The following CHSY3 variants were observed in gnomAD, a reference collection of about 807,000 sequenced individuals.
CHSY3 encodes the protein N-acetylgalactosaminyl-proteoglycan 3-beta-glucuronosyltransferase 3.
A neutral mutation model predicts 67.2 loss-of-function variants in CHSY3; 35 were observed. The observed-to-expected ratio is 0.52, with a 90% CI of 0.40 to 0.69. The LOEUF (loss-of-function observed/expected upper bound fraction) is 0.69, where lower values mean the gene tolerates loss of function less well. Ranked by LOEUF, CHSY3 falls within the 30% of genes least tolerant of loss-of-function variation. The probability of loss-of-function intolerance (pLI) is 0.00; values close to 1 mark genes in which losing one functional copy is unlikely to be tolerated. For synonymous variants in CHSY3, 474 were observed against 434.7 expected, an observed-to-expected ratio of 1.09 and a Z score of -1.12; for missense variants, 1,069 against 1,138.5, an observed-to-expected ratio of 0.94 and a Z score of 0.88.
chr5:130,131,039 T>C (rs970841745), intron 2 of CHSY3, among the ~76,000 whole-genome samples: 6 of 152,148 alleles, frequency 3.9e-5, no homozygotes, highest in African/African-American at 1.2e-4. Flanking sequence ...AGGAATATCA[T>C]TTACTCTCAC....
intron 2 of CHSY3, among the ~76,000 whole-genome samples, chr5:130,116,336 C>A (rs1486474551): frequency 6.6e-6 from 1 of 152,174 alleles, no homozygotes; most frequent in African/African-American, 2.4e-5. Context: ...TAAATAGCAT[C>A]TTCTGCATCA....
chr5:130,104,056 C>A (rs756487452), intron 2 of CHSY3, among the ~76,000 whole-genome samples: 17 of 151,854 alleles, frequency 1.1e-4, no homozygotes, highest in Non-Finnish European at 2.1e-4. Flanking sequence ...GTTGTTAGCC[C>A]AACCCATTTT....
Position 129,951,717 on chromosome 5 carries a change from A to C in CHSY3, c.1086+43357A>C, listed in dbSNP as rs913030152. ...GAAGAGATTCTGAGAATTCATGTAC[A>C]TAGAAGCGGTCTAAACCATTGGCCA... On this transcript the variant is annotated intron_variant, in intron 2 of 2. Coordinates refer to ENST00000305031, the MANE Select transcript of CHSY3 (RefSeq NM_175856.5). Among the ~76,000 whole-genome samples the C allele has an allele frequency of 2.4e-4, 36 of 152,314 alleles. 1 individual carries two copies. Among genetic ancestry groups the C allele is most frequent in the African/African-American group, 8.4e-4 (35 of 41,576 alleles).
chr5:130,156,752 G>A (rs1250435166), intron 2 of CHSY3, among the ~76,000 whole-genome samples: 2 of 152,218 alleles, frequency 1.3e-5, no homozygotes, highest in East Asian at 1.9e-4. Flanking sequence ...CTATGGGCAA[G>A]CAAGCTACAT....
chr5:130,015,719 A>G (rs947308810), intron 2 of CHSY3, among the ~76,000 whole-genome samples: 5 of 152,224 alleles, frequency 3.3e-5, no homozygotes, highest in Non-Finnish European at 5.9e-5. Flanking sequence ...CAACCCATCA[A>G]TCCCATTACT....
At chr5:130,169,957 T>TA (rs2149732226) in intron 2 of CHSY3, among the ~76,000 whole-genome samples, 1 of 151,856 alleles carries the variant, frequency 6.6e-6, no homozygotes, top group Admixed American at 6.6e-5. Context: ...GCAACTACCA[T>TA]CTTTCTTTTA....
intron 2 of CHSY3, among the ~76,000 whole-genome samples, chr5:130,010,001 C>A (rs555041881): frequency 6.6e-6 from 1 of 152,214 alleles, no homozygotes; most frequent in East Asian, 1.9e-4. Context: ...TAATTAGAGA[C>A]CAATTAAGAG....
chr5:129,940,702 TGTATATATA>T (rs1032146723), intron 2 of CHSY3, among the ~76,000 whole-genome samples: 5 of 152,082 alleles, frequency 3.3e-5, no homozygotes, highest in African/African-American at 1.2e-4. Flanking sequence ...TGCCGATGTA[TGTATATATA>T]GTATATACAG....
rs745860120 is a variant in CHSY3, at chr5:129,940,678, A to AGT, written c.1086+32329_1086+32330dup. The stretch of plus-strand genomic sequence containing the variant: ...CTATCTTTATGCATGTGTGTGTGTG[A>AGT]GTGTGTGTGTGTATGCCGATGTATG... On this transcript the variant is annotated intron_variant, in intron 2 of 2. Transcript: ENST00000305031. Among the ~76,000 whole-genome samples, 36 of 151,610 alleles carry AGT rather than the reference A, an allele frequency of 2.4e-4. No individual in the cohort carries two copies. The South Asian group carries it at 5.2e-3, about 22-fold the overall frequency.
At chr5:129,991,335 A>G (rs530157350) in intron 2 of CHSY3, among the ~76,000 whole-genome samples, 6 of 152,292 alleles carry the variant, frequency 3.9e-5, no homozygotes, top group Admixed American at 1.3e-4. Flanking sequence ...TAAAATTAAA[A>G]GCTTTGAAGA....
chr5:129,917,924 C>A (rs1760784706), intron 2 of CHSY3, among the ~76,000 whole-genome samples: 1 of 151,058 alleles, frequency 6.6e-6, no homozygotes, highest in Admixed American at 6.6e-5. Context: ...AGGGTTTCGA[C>A]CACTGTGTAA....
In CHSY3 at chr5:129,922,633, C is replaced by G. The variant is rs116802606; in HGVS notation, c.1086+14273C>G. ...ATGTATCTGTTAGCCATTTATATGT[C>G]TTTTCAAAAATGTCAATTCAGGTCT... On this transcript the variant is annotated intron_variant, in intron 2 of 2. Transcript: ENST00000305031. 1.5e-3 allele frequency among the ~76,000 whole-genome samples: 222 copies of G among 151,438 alleles called. 1 individual carries two copies. Among genetic ancestry groups the G allele is most frequent in the African/African-American group, 4.9e-3 (202 of 41,240 alleles).
chr5:130,003,983 A>G (rs1211524958), intron 2 of CHSY3, among the ~76,000 whole-genome samples: 1 of 152,134 alleles, frequency 6.6e-6, no homozygotes, highest in South Asian at 2.1e-4. Flanking sequence ...CAGGATATGC[A>G]TTTTTTGGTT....
At chr5:129,945,792 C>G (rs1321881577) in intron 2 of CHSY3, among the ~76,000 whole-genome samples, 1 of 152,098 alleles carries the variant, frequency 6.6e-6, no homozygotes, top group Non-Finnish European at 1.5e-5. Flanking sequence ...ATTTTTGATT[C>G]TGTTTCTTTT....
intron 2 of CHSY3, among the ~76,000 whole-genome samples, chr5:129,988,054 G>A (rs1451767623): frequency 2.0e-5 from 3 of 152,098 alleles, no homozygotes; most frequent in African/African-American, 4.8e-5. Context: ...CAAGAAATGT[G>A]ATAAAATGAA....
Position 129,914,269 on chromosome 5 carries a change from C to A in CHSY3, c.1086+5909C>A, listed in dbSNP as rs1211230041. 3.9e-5 allele frequency among the ~76,000 whole-genome samples: 6 copies of A among 152,242 alleles called. No individual in the cohort carries two copies. The East Asian group carries it at 1.2e-3, about 29-fold the overall frequency. On this transcript the variant is annotated intron_variant, in intron 2 of 2. Transcript: ENST00000305031. Reference sequence around the variant, plus strand: ...GGGATTACAGACATGCACCACCACACCCAGCTAACTTTGTATTTTTTTTAG... The same window carrying A: ...GGGATTACAGACATGCACCACCACAACCAGCTAACTTTGTATTTTTTTTAG...
At chr5:130,033,423 A>C (rs1580668811) in intron 2 of CHSY3, among the ~76,000 whole-genome samples, 1 of 152,312 alleles carries the variant, frequency 6.6e-6, no homozygotes, top group East Asian at 1.9e-4. Flanking sequence ...TAGTGAAAGA[A>C]GAGATACTGT....
chr5:130,071,796 T>A (rs1382839074), intron 2 of CHSY3, among the ~76,000 whole-genome samples: 1 of 152,054 alleles, frequency 6.6e-6, no homozygotes, highest in Non-Finnish European at 1.5e-5. Context: ...TGTATTATTT[T>A]TCAAAGTGAC....
At chr5:130,162,704 T>C (rs1769593138) in intron 2 of CHSY3, among the ~76,000 whole-genome samples, 1 of 152,110 alleles carries the variant, frequency 6.6e-6, no homozygotes, top group Admixed American at 6.6e-5. Flanking sequence ...CTGGCTCATA[T>C]CTTTTTTTTA....
Sources: allele counts gnomAD v4.1 joint callset (sites outside exome capture counted in the v4.1 genomes callset), GRCh38; gene constraint gnomAD v4.1.1; transcripts MANE v1.5; gene names NCBI Gene and HGNC (gene_info 2026-07-23, HGNC 2026-07-21).